TXNDC12: variants seen among roughly 807,000 people sequenced by gnomAD.
TXNDC12 encodes thioredoxin domain-containing protein 12.
TXNDC12 carries 22 observed loss-of-function variants against 24.2 expected under a neutral mutation model. The observed-to-expected ratio is 0.91, with a 90% CI of 0.65 to 1.30. The LOEUF (loss-of-function observed/expected upper bound fraction) is 1.30, where lower values mean the gene tolerates loss of function less well. Among genes scored for constraint, TXNDC12 ranks in the 50% most tolerant of loss-of-function variants. TXNDC12 has a pLI of 0.00. For synonymous variants in TXNDC12, 58 were observed against 73.4 expected, an observed-to-expected ratio of 0.79 and a Z score of 1.07; for missense variants, 184 against 205.8, an observed-to-expected ratio of 0.89 and a Z score of 0.65.
intron 1 of TXNDC12, among the ~76,000 whole-genome samples, chr1:52,046,866 A>AATATATATATATATAT (rs869028968): frequency 1.3e-4 from 4 of 30,172 alleles, no homozygotes; most frequent in Non-Finnish European, 1.6e-4. Context: ...AAAAAAAAAA[A>AATATATATATATATAT]ATATATATAT....
intron 2 of TXNDC12, among the ~76,000 whole-genome samples, chr1:52,031,579 A>G (rs1198511650): frequency 4.2e-4 from 59 of 141,186 alleles, no homozygotes; most frequent in East Asian, 3.1e-3. Flanking sequence ...TGCAACCTCC[A>G]CCTCCCAGGT....
At chr1:52,024,650 C>A (rs1200254558) in intron 4 of TXNDC12, 71 bp from the exon 5 acceptor site, 8 of 1,280,472 alleles carry the variant, frequency 6.2e-6, no homozygotes, top group Non-Finnish European at 8.9e-6. Context: ...CAGTGGCTTC[C>A]CCACTTGTCA....
At chr1:52,054,403 T>G (rs955815925) in intron 1 of TXNDC12, among the ~76,000 whole-genome samples, 2 of 152,144 alleles carry the variant, frequency 1.3e-5, no homozygotes. Context: ...CCTCCTAACC[T>G]CCATTCATAA....
At chr1:52,028,897 G>C (rs886786689) in intron 2 of TXNDC12, among the ~76,000 whole-genome samples, 1 of 152,190 alleles carries the variant, frequency 6.6e-6, no homozygotes, top group Non-Finnish European at 1.5e-5. Context: ...GGAGGCTGAA[G>C]TGGGCAGATG....
intron 1 of TXNDC12, among the ~76,000 whole-genome samples, chr1:52,053,261 A>C (rs1686254677): frequency 6.6e-6 from 1 of 152,050 alleles, no homozygotes. Context: ...TCCGTCTCAA[A>C]AACAAAAGCA....
intron 4 of TXNDC12, among the ~76,000 whole-genome samples, chr1:52,025,105 A>G (rs942688021): frequency 1.3e-5 from 2 of 152,212 alleles, no homozygotes; most frequent in Non-Finnish European, 2.9e-5. Context: ...TAGTACCTAC[A>G]TCATTGACTT....
At chr1:52,054,564 C>A (rs1686288740) in intron 1 of TXNDC12, among the ~76,000 whole-genome samples, 1 of 152,214 alleles carries the variant, frequency 6.6e-6, no homozygotes, top group Admixed American at 6.5e-5. Context: ...TTCCCAAAGG[C>A]AAGCAAGTGG....
At chr1:52,054,424 C>T (rs1558000633) in intron 1 of TXNDC12, among the ~76,000 whole-genome samples, 1 of 152,192 alleles carries the variant, frequency 6.6e-6, no homozygotes, top group Non-Finnish European at 1.5e-5. Flanking sequence ...CCACTGATCG[C>T]TCACTTACAA....
rs373391301 is a variant in TXNDC12, at chr1:52,023,471, T to C, written c.439+20A>G. The C allele has an allele frequency of 1.0e-5, 16 of 1,596,328 alleles. No homozygotes were observed. Among genetic ancestry groups the C allele is most frequent in the Non-Finnish European group, 1.4e-5 (16 of 1,164,028 alleles). On this transcript the variant is annotated intron_variant, in intron 6 of 6. Coordinates refer to ENST00000371626, the MANE Select transcript of TXNDC12 (RefSeq NM_015913.4). ...AGTTCAATCTAGCAATAATCCTCCCTCCCTTCAGCATAACTATACCTTGCT... is the reference window on the plus strand; with the variant it reads ...AGTTCAATCTAGCAATAATCCTCCCCCCCTTCAGCATAACTATACCTTGCT...
At chr1:52,021,162 G>A (rs1685591533) in intron 6 of TXNDC12, 150 bp from the exon 7 acceptor site, 2 of 602,842 alleles carry the variant, frequency 3.3e-6, no homozygotes, top group East Asian at 5.7e-5. Flanking sequence ...GCCCTGGCAA[G>A]TCATTTATCT....
In TXNDC12 at chr1:52,020,748, A is replaced by G. The variant is rs565913534; in HGVS notation, c.*185T>C. On this transcript the variant is annotated 3_prime_UTR_variant, in exon 7 of 7. Transcript: ENST00000371626. The stretch of plus-strand genomic sequence containing the variant: ...AAGAAAGTCTGCCACTCTCCGCTGG[A>G]TCCACAAACATGCAGACCAGCTTCT... 2 of 547,360 alleles carry G rather than the reference A, an allele frequency of 3.7e-6. No individual in the cohort carries two copies. Among genetic ancestry groups the G allele is most frequent in the Non-Finnish European group, 6.4e-6 (2 of 310,230 alleles). 33.9% of individuals were successfully genotyped at this position (547,360 alleles called of 1,614,324 possible).
chr1:52,045,424 C>T (rs1046812640), intron 1 of TXNDC12, among the ~76,000 whole-genome samples: 5 of 152,030 alleles, frequency 3.3e-5, no homozygotes, highest in Admixed American at 2.6e-4. Context: ...GAGGTCATTG[C>T]GGTGGGCCCT....
At chr1:52,046,522 A>C (rs1257191966) in intron 1 of TXNDC12, among the ~76,000 whole-genome samples, 1 of 152,190 alleles carries the variant, frequency 6.6e-6, no homozygotes, top group East Asian at 1.9e-4. Context: ...TGAAAGCATG[A>C]TTAGAGCATG....
chr1:52,031,490 A>G (rs1057236502), intron 2 of TXNDC12, among the ~76,000 whole-genome samples: 1 of 148,648 alleles, frequency 6.7e-6, no homozygotes, highest in Non-Finnish European at 1.5e-5. Context: ...TTCTCACCAC[A>G]TATCTCTTTT....
At chr1:52,036,898 C>CAGAA (rs1685892654) in intron 2 of TXNDC12, among the ~76,000 whole-genome samples, 2 of 152,192 alleles carry the variant, frequency 1.3e-5, no homozygotes, top group South Asian at 4.1e-4. Context: ...TATCCACAAT[C>CAGAA]TCTTTCATGA....
intron 4 of TXNDC12, among the ~76,000 whole-genome samples, chr1:52,025,318 A>G (rs1402333655): frequency 6.6e-6 from 1 of 151,586 alleles, no homozygotes; most frequent in Non-Finnish European, 1.5e-5. Context: ...TCCTGGGTTC[A>G]TGCCATCTTC....
At position 52,028,562 on chromosome 1, in the gene TXNDC12, G is replaced by T; in HGVS notation, c.211+16C>A. The T allele has an allele frequency of 6.2e-7, 1 of 1,604,100 alleles. No homozygotes were observed. Among genetic ancestry groups the T allele is most frequent in the Non-Finnish European group, 8.5e-7 (1 of 1,174,234 alleles). Reference sequence around the variant, plus strand: ...CACATCTGAGTTTTGAATTTAGATTGAGCATTTGCACTTACCTTTGCAAGC... The same window carrying T: ...CACATCTGAGTTTTGAATTTAGATTTAGCATTTGCACTTACCTTTGCAAGC... On this transcript the variant is annotated intron_variant, in intron 3 of 6. Coordinates refer to ENST00000371626, the MANE Select transcript of TXNDC12 (RefSeq NM_015913.4).
chr1:52,050,738 T>C (rs1421771517), intron 1 of TXNDC12, among the ~76,000 whole-genome samples: 1 of 152,226 alleles, frequency 6.6e-6, no homozygotes, highest in Non-Finnish European at 1.5e-5. Flanking sequence ...AAATGCAAAC[T>C]ATGGCTAACA....
rs1685586927 is a variant in TXNDC12 at position 52,020,950 on chromosome 1, G to A, written c.502C>T (p.Leu168Phe). 6.2e-7 allele frequency: 1 copy of A among 1,613,814 alleles called. No individual in the cohort carries two copies. The highest frequency in any genetic ancestry group is 8.5e-7 in the Non-Finnish European group (1 of 1,179,728). ...CATTCATGTTACAATTCATCTTCAA[G>A]ATGTTTCTTTCTGAAGGCATCACCC... ...LTGDAFRKKHLEDEL is the reference protein window; with the variant it reads ...LTGDAFRKKHFEDEL The change falls in exon 7 of 7, where the codon CTT (leucine) becomes TTT (phenylalanine). Residue 168 changes from leucine to phenylalanine, a missense_variant. Leu to Phe is a conservative substitution (Grantham distance 22, BLOSUM62 0). Transcript: ENST00000371626.
Sources: allele counts gnomAD v4.1 joint callset (sites outside exome capture counted in the v4.1 genomes callset), GRCh38; gene constraint gnomAD v4.1.1; transcripts MANE v1.5; gene names NCBI Gene and HGNC (gene_info 2026-07-23, HGNC 2026-07-21).